The following MAGI1 variants were observed in gnomAD, a reference collection of about 807,000 sequenced individuals.
MAGI1 encodes the protein membrane-associated guanylate kinase, WW and PDZ domain-containing protein 1.
Under a neutral mutation model 139.9 loss-of-function variants are expected in MAGI1, and 58 were observed. That is an observed-to-expected ratio of 0.41 (90% confidence interval 0.34 to 0.52). The LOEUF (loss-of-function observed/expected upper bound fraction) is 0.52, where lower values mean the gene tolerates loss of function less well. Ranked by LOEUF, MAGI1 falls within the 20% of genes least tolerant of loss-of-function variation. The probability of loss-of-function intolerance (pLI) is 0.12; values close to 1 mark genes in which losing one functional copy is unlikely to be tolerated. For missense variants in MAGI1, 1,874 were observed against 1,901.6 expected, an observed-to-expected ratio of 0.99 and a Z score of 0.27; for synonymous variants, 812 against 737.9, an observed-to-expected ratio of 1.10 and a Z score of -1.63.
chr3:65,401,384 C>T (rs1944878678), intron 13 of MAGI1, 55 bp downstream of exon 13: 5 of 1,466,622 alleles, frequency 3.4e-6, no homozygotes, highest in Non-Finnish European at 4.7e-6. Context: ...CCACCTCCAG[C>T]CCCCCACCAT....
chr3:65,743,251 C>T (rs1358388317), intron 1 of MAGI1, among the ~76,000 whole-genome samples: 1 of 152,144 alleles, frequency 6.6e-6, no homozygotes, highest in Non-Finnish European at 1.5e-5. Context: ...TTCATTTGCT[C>T]AACTTTATAC....
At chr3:65,427,955 A>G (rs1368538183) in intron 12 of MAGI1, among the ~76,000 whole-genome samples, 1 of 152,204 alleles carries the variant, frequency 6.6e-6, no homozygotes, top group Non-Finnish European at 1.5e-5. Context: ...ACAAGAAGAG[A>G]CTTGAAAATT....
intron 1 of MAGI1, among the ~76,000 whole-genome samples, chr3:65,933,200 A>C (rs1473924543): frequency 6.6e-6 from 1 of 152,238 alleles, no homozygotes; most frequent in Non-Finnish European, 1.5e-5. Flanking sequence ...AAATGGCTGA[A>C]GTGCAGTGGC....
At chr3:66,005,520 G>A (rs1437902859) in intron 1 of MAGI1, among the ~76,000 whole-genome samples, 1 of 152,072 alleles carries the variant, frequency 6.6e-6, no homozygotes, top group Non-Finnish European at 1.5e-5. Flanking sequence ...AATATTCACA[G>A]CCTCTTTGCC....
intron 1 of MAGI1, among the ~76,000 whole-genome samples, chr3:65,630,449 G>T (rs1447766390): frequency 6.6e-6 from 1 of 152,184 alleles, no homozygotes; most frequent in Non-Finnish European, 1.5e-5. Context: ...AGCTCAGACA[G>T]AGGGTGGCTC....
chr3:65,479,641 T>TA (rs1307595142), intron 3 of MAGI1, among the ~76,000 whole-genome samples: 1 of 152,170 alleles, frequency 6.6e-6, no homozygotes, highest in Admixed American at 6.5e-5. Context: ...AGCAATACTT[T>TA]AAAAAATTGA....
chr3:65,859,204 A>G (rs1434263796), intron 1 of MAGI1, among the ~76,000 whole-genome samples: 2 of 151,894 alleles, frequency 1.3e-5, no homozygotes, highest in East Asian at 3.9e-4. Flanking sequence ...ATGGTGGCGC[A>G]TGCCTGTAAT....
chr3:65,607,549 A>G (rs1158094268), intron 2 of MAGI1, among the ~76,000 whole-genome samples: 1 of 152,208 alleles, frequency 6.6e-6, no homozygotes, highest in Non-Finnish European at 1.5e-5. Context: ...TTTGCTTTGC[A>G]AATGAAAAAA....
intron 1 of MAGI1, among the ~76,000 whole-genome samples, chr3:65,901,645 G>A (rs1006339477): frequency 2.6e-5 from 4 of 152,166 alleles, no homozygotes; most frequent in Admixed American, 1.3e-4. Flanking sequence ...GCTTCAGAAC[G>A]GTGAAAATCA....
chr3:65,540,121 C>T (rs554070878), intron 2 of MAGI1, among the ~76,000 whole-genome samples: 2 of 152,296 alleles, frequency 1.3e-5, no homozygotes, highest in African/African-American at 4.8e-5. Context: ...AAGTCACAAA[C>T]CACATACAAC....
chr3:65,978,194 A>T (rs997084025), intron 1 of MAGI1, among the ~76,000 whole-genome samples: 1 of 152,218 alleles, frequency 6.6e-6, no homozygotes, highest in Non-Finnish European at 1.5e-5. Context: ...TCAGTTTCTC[A>T]CAAGCCTATA....
At chr3:65,859,966 G>A (rs917060702) in intron 1 of MAGI1, among the ~76,000 whole-genome samples, 5 of 151,492 alleles carry the variant, frequency 3.3e-5, no homozygotes, top group African/African-American at 1.2e-4. Context: ...CGCGATCTCG[G>A]CTCACTGCAA....
At chr3:65,596,344 A>C (rs1410116334) in intron 2 of MAGI1, among the ~76,000 whole-genome samples, 2 of 152,202 alleles carry the variant, frequency 1.3e-5, no homozygotes, top group Non-Finnish European at 2.9e-5. Context: ...AATGTGTCCG[A>C]ATCTTTTGAA....
intron 22 of MAGI1, chr3:65,359,983 A>G (rs1260878916): frequency 1.0e-6 from 1 of 985,284 alleles, no homozygotes; most frequent in Non-Finnish European, 1.2e-6. Context: ...CAGCCACGGC[A>G]TCTTAATGTT....
chr3:65,402,506 A>G (rs1944981633), intron 12 of MAGI1, among the ~76,000 whole-genome samples: 1 of 152,066 alleles, frequency 6.6e-6, no homozygotes, highest in South Asian at 2.1e-4. Flanking sequence ...GCCTCTTTTG[A>G]TTTTTTTCTT....
chr3:65,716,383 T>C (rs781051610), intron 1 of MAGI1, among the ~76,000 whole-genome samples: 2 of 151,992 alleles, frequency 1.3e-5, no homozygotes, highest in African/African-American at 2.4e-5. Context: ...AGAAGGAAAA[T>C]AAAAATAATA....
At chr3:65,438,599 AC>A (rs1948017265) in intron 9 of MAGI1, among the ~76,000 whole-genome samples, 2 of 152,222 alleles carry the variant, frequency 1.3e-5, no homozygotes, top group Non-Finnish European at 2.9e-5. Context: ...AGACATACAT[AC>A]CTACTCTCTC....
At chr3:65,790,679 A>T (rs1007503593) in intron 1 of MAGI1, among the ~76,000 whole-genome samples, 1 of 152,242 alleles carries the variant, frequency 6.6e-6, no homozygotes, top group Non-Finnish European at 1.5e-5. Flanking sequence ...GGAAAGGGGT[A>T]GCCCAGACCC....
At position 65,478,848 on chromosome 3, in the gene MAGI1, T is replaced by G. The variant is rs760453619; in HGVS notation, c.551-50A>C. On this transcript the variant is annotated intron_variant, in intron 3 of 22. Coordinates refer to ENST00000402939, the MANE Select transcript of MAGI1 (RefSeq NM_001033057.2). ...CATGTTTCAAAAGGAATACTTTGTG[T>G]TTTTTTTTAAGACTTCACATCCAAA... is the stretch of plus-strand genomic sequence containing the variant. 10 of 1,317,246 alleles carry G rather than the reference T, an allele frequency of 7.6e-6. No individual in the cohort carries two copies. The East Asian group carries it at 2.3e-4, about 31-fold the overall frequency. 81.6% of individuals were successfully genotyped at this position (1,317,246 alleles called of 1,614,324 possible). A position where few individuals can be genotyped will look rare whatever the true frequency, so the allele number is the denominator to read the frequency against.
Sources: allele counts gnomAD v4.1 joint callset (sites outside exome capture counted in the v4.1 genomes callset), GRCh38; gene constraint gnomAD v4.1.1; transcripts MANE v1.5; gene names NCBI Gene and HGNC (gene_info 2026-07-23, HGNC 2026-07-21).